PRKDC: variants seen among roughly 807,000 people sequenced by gnomAD.
PRKDC encodes the protein DNA-dependent protein kinase catalytic subunit.
A neutral mutation model predicts 486.9 loss-of-function variants in PRKDC; 82 were observed. That is an observed-to-expected ratio of 0.17 (90% confidence interval 0.14 to 0.20). The LOEUF is 0.20. PRKDC is among the 10% of genes least tolerant of loss of function. The pLI is 1.00. For synonymous variants in PRKDC, 1,895 were observed against 1,837.0 expected (o/e 1.03, Z -0.81); for missense variants, 4,504 against 5,038.2 (o/e 0.89, Z 3.21).
chr8:47,952,344 AAGTGAAATAAGCC>A (rs1307057069), intron 7 of PRKDC, among the ~76,000 whole-genome samples: 1 of 152,236 alleles, frequency 6.6e-6, no homozygotes, highest in Non-Finnish European at 1.5e-5. Flanking sequence ...ACACTATGCT[AAGTGAAATAAGCC>A]ACACAGGAAA....
Position 47,887,720 on chromosome 8 carries a change from A to G in PRKDC, c.4414-15T>C. 1 of 1,593,526 alleles carries G rather than the reference A, an allele frequency of 6.3e-7. No individual in the cohort carries two copies. On this transcript the variant is annotated splice_polypyrimidine_tract_variant and intron_variant, in intron 34 of 85. Transcript: ENST00000314191. ...AAATCTGTGGACTAAAAGGAAGCCA[A>G]CACTGAAATGCCTAGCAAAAAGATA...
chr8:47,778,711 G>A lies in PRKDC; in HGVS notation c.11651+17C>T. 1.2e-6 allele frequency: 2 copies of A among 1,613,522 alleles called. No individual in the cohort carries two copies. Among genetic ancestry groups the A allele is most frequent in the Non-Finnish European group, 1.7e-6 (2 of 1,179,684 alleles). ...CTGCTGTGATCCCACTAAGGGTGAGGGCAGAAGGGTACTTACTTTAAGAGA... is the reference window on the plus strand; with the variant it reads ...CTGCTGTGATCCCACTAAGGGTGAGAGCAGAAGGGTACTTACTTTAAGAGA... On this transcript the variant is annotated intron_variant, in intron 82 of 85. Transcript: ENST00000314191.
chr8:47,909,057 T>G (rs1362414003), intron 25 of PRKDC, among the ~76,000 whole-genome samples: 2 of 152,120 alleles, frequency 1.3e-5, no homozygotes, highest in African/African-American at 4.8e-5. Flanking sequence ...CCTTGATATA[T>G]AATCTAATTC....
At chr8:47,855,462 G>A (rs2088514297) in intron 49 of PRKDC, 89 bp from the exon 50 acceptor site, 14 of 1,360,066 alleles carry the variant, frequency 1.0e-5, no homozygotes, top group African/African-American at 3.0e-5. Context: ...AAAGAAATCT[G>A]GCATTTTACA....
rs776027659 is a variant in PRKDC, at chr8:47,954,468, C to T, written c.400-22G>A. On this transcript the variant is annotated intron_variant, in intron 4 of 85. Transcript: ENST00000314191. ...GTAACTAAAAGAATACAAATTAGTACATCAATGTAGTGCGGGAATCAAGAA... is the reference window on the plus strand; with the variant it reads ...GTAACTAAAAGAATACAAATTAGTATATCAATGTAGTGCGGGAATCAAGAA... The T allele has an allele frequency of 7.0e-6, 7 of 996,160 alleles. No individual in the cohort carries two copies. The African/African-American group carries it at 8.4e-5, about 12-fold the overall frequency. The allele number at this position is 996,160 out of a possible 1,614,324, so 61.7% of individuals were successfully genotyped here.
At chr8:47,896,096 A>G (rs887611119) in intron 30 of PRKDC, among the ~76,000 whole-genome samples, 4 of 152,198 alleles carry the variant, frequency 2.6e-5, no homozygotes, top group Non-Finnish European at 5.9e-5. Flanking sequence ...CTAAATTAAA[A>G]CACAGATATA....
intron 45 of PRKDC, 114 bp downstream of exon 45, chr8:47,860,785 A>C (rs2088659901): frequency 1.4e-6 from 1 of 737,986 alleles, no homozygotes; most frequent in Non-Finnish European, 2.2e-6. Context: ...AGGGTACTTA[A>C]AGTATTTTCT....
intron 36 of PRKDC, among the ~76,000 whole-genome samples, chr8:47,884,344 C>G (rs978985765): frequency 4.6e-5 from 7 of 152,214 alleles, no homozygotes; most frequent in Non-Finnish European, 8.8e-5. Context: ...GGGCTCAGCA[C>G]GTGTGGACCC....
rs2088722506 is a variant in PRKDC at position 47,863,386 on chromosome 8, A to G, written c.5750+13T>C. 1 of 1,575,108 alleles carries G rather than the reference A, an allele frequency of 6.3e-7. No individual in the cohort carries two copies. The highest frequency in any genetic ancestry group is 1.8e-5 in the Admixed American group (1 of 55,136). On this transcript the variant is annotated intron_variant, in intron 42 of 85. Transcript: ENST00000314191. ...ATAAATAAAATAGAATCCAAAATTA[A>G]GTAAAATCTTACTTAATCAATGTCT...
At position 47,912,397 on chromosome 8, in the gene PRKDC, T is replaced by G. The variant is rs1417315880; in HGVS notation, c.2934+13A>C. 6.6e-7 allele frequency: 1 copy of G among 1,509,762 alleles called. No individual in the cohort carries two copies. Among genetic ancestry groups the G allele is most frequent in the African/African-American group, 1.4e-5 (1 of 70,898 alleles). 93.5% of individuals were successfully genotyped at this position (1,509,762 alleles called of 1,614,324 possible). ...TAGAAATTTTACAACTATTTCAGAT[T>G]CAAAGCCCTTACCTGATCAACATCA... On this transcript the variant is annotated intron_variant, in intron 25 of 85. Coordinates refer to ENST00000314191, the MANE Select transcript of PRKDC (RefSeq NM_006904.7).
chr8:47,812,919 CA>C (rs2087362870), intron 68 of PRKDC, among the ~76,000 whole-genome samples: 3 of 151,786 alleles, frequency 2.0e-5, no homozygotes, highest in South Asian at 4.1e-4. Flanking sequence ...ACAGACACTA[CA>C]AATAATAAAA....
At chr8:47,952,132 C>T (rs1222767544) in intron 7 of PRKDC, among the ~76,000 whole-genome samples, 1 of 152,178 alleles carries the variant, frequency 6.6e-6, no homozygotes, top group African/African-American at 2.4e-5. Context: ...CCAAAAGAAT[C>T]AACAGCAGGG....
intron 60 of PRKDC, 60 bp from the exon 61 acceptor site, chr8:47,830,796 C>T: frequency 6.2e-7 from 1 of 1,604,506 alleles, no homozygotes; most frequent in Non-Finnish European, 8.5e-7. Context: ...ACTAGTCGTG[C>T]ATGAGCTATG....
At chr8:47,910,834 ATT>A (rs3842702) in intron 25 of PRKDC, among the ~76,000 whole-genome samples, 104 of 149,308 alleles carry the variant, frequency 7.0e-4, no homozygotes, top group African/African-American at 2.4e-3. Flanking sequence ...ATTCCTAGAC[ATT>A]TTTTTTTTGA....
chr8:47,938,741 T>G (rs1212500698), intron 11 of PRKDC, among the ~76,000 whole-genome samples: 3 of 152,122 alleles, frequency 2.0e-5, no homozygotes, highest in Non-Finnish European at 4.4e-5. Context: ...TTTGTATTTT[T>G]AGTACAGACA....
At chr8:47,948,500 C>A (rs2090574811) in intron 7 of PRKDC, among the ~76,000 whole-genome samples, 1 of 144,574 alleles carries the variant, frequency 6.9e-6, no homozygotes, top group Non-Finnish European at 1.5e-5. Context: ...GTTCTTGTCG[C>A]CCAGGCTGGA....
In PRKDC at chr8:47,914,037, CTCT is replaced by C. The variant is rs1329254910; in HGVS notation, c.2642_2644del (p.Lys881del). On this transcript the variant is annotated inframe_deletion, in exon 24 of 86. Transcript: ENST00000314191. ...CTTCTCTCTGTCCCAGGCCACATAG[CTCT>C]TCATCATCTCATCTGAGGACGTGAC... 1.9e-6 allele frequency: 3 copies of C among 1,569,286 alleles called. No homozygotes were observed. Among genetic ancestry groups the C allele is most frequent in the Non-Finnish European group, 2.6e-6 (3 of 1,159,844 alleles).
At chr8:47,878,250 C>G (rs992541203) in intron 39 of PRKDC, among the ~76,000 whole-genome samples, 3 of 151,878 alleles carry the variant, frequency 2.0e-5, no homozygotes, top group Admixed American at 1.3e-4. Flanking sequence ...GGACTACAGG[C>G]GCCCGCCACC....
At chr8:47,911,007 T>C (rs190184951) in intron 25 of PRKDC, among the ~76,000 whole-genome samples, 8 of 152,364 alleles carry the variant, frequency 5.3e-5, no homozygotes, top group African/African-American at 1.9e-4. Flanking sequence ...TCAGCTGATA[T>C]GCTTACTCTT....
Sources: gnomAD v4.1 joint callset for allele counts (sites outside exome capture counted in the v4.1 genomes callset) on GRCh38, gnomAD v4.1.1 for gene constraint, MANE v1.5 for transcripts, NCBI Gene and HGNC (gene_info 2026-07-23, HGNC 2026-07-21) for gene names.